AFF3: variants seen among roughly 807,000 people sequenced by gnomAD.
The protein encoded by AFF3 is AF4/FMR2 family member 3.
A neutral mutation model predicts 129.7 loss-of-function variants in AFF3; 32 were observed. The ratio of observed to expected loss-of-function variants is 0.25; its 90% CI spans 0.19 to 0.33. The LOEUF is 0.33. AFF3 is among the 10% of genes least tolerant of loss of function. AFF3 has a pLI of 1.00. For missense variants in AFF3, 1,373 were observed against 1,592.0 expected (o/e 0.86, Z 2.34); for synonymous variants, 644 against 635.4 (o/e 1.01, Z -0.20).
intron 4 of AFF3, among the ~76,000 whole-genome samples, chr2:100,028,969 C>T (rs1206638039): frequency 6.6e-6 from 1 of 152,158 alleles, no homozygotes; most frequent in African/African-American, 2.4e-5. Flanking sequence ...TACACCCCCA[C>T]GTCCACAGCA....
intron 7 of AFF3, among the ~76,000 whole-genome samples, chr2:99,983,033 C>T (rs959880629): frequency 6.6e-6 from 1 of 152,176 alleles, no homozygotes; most frequent in Non-Finnish European, 1.5e-5. Context: ...ATAATCCATA[C>T]ATAGTTTAAT....
In AFF3 at chr2:100,006,891, T is replaced by G. The variant is rs751048982; in HGVS notation, c.614A>C (p.Lys205Thr). 33 of 1,614,096 alleles carry G rather than the reference T, an allele frequency of 2.0e-5. No homozygotes were observed. The highest frequency in any genetic ancestry group is 2.8e-5 in the Non-Finnish European group (33 of 1,180,050). The change falls in exon 7 of 25, where the codon AAG (lysine) becomes ACG (threonine). Residue 205 changes from lysine (K) to threonine (T), a missense_variant. Transcript: ENST00000672756. Reference protein sequence around the residue: ...TQERPPAMAAKHSSSGHCVQN... With the variant: ...TQERPPAMAATHSSSGHCVQN... ...AACACAGTGTCCGCTGCTGCTGTGC[T>G]TGGCCGCCATGGCAGGTGGCCTCTC...
At chr2:100,037,380 G>A (rs13020141) in intron 4 of AFF3, among the ~76,000 whole-genome samples, 20,996 of 140,984 alleles carry the variant, frequency 0.15, 1,914 homozygotes, top group East Asian at 0.29. Context: ...ATACATACAT[G>A]TATGGGGGGT....
chr2:99,623,287 T>C (rs919018891), intron 13 of AFF3, among the ~76,000 whole-genome samples: 41 of 152,228 alleles, frequency 2.7e-4, no homozygotes, highest in African/African-American at 9.4e-4. Flanking sequence ...GAGCCCCTTG[T>C]TCAAAGAGCA....
At chr2:99,839,717 T>C (rs900145377) in intron 7 of AFF3, among the ~76,000 whole-genome samples, 7 of 151,964 alleles carry the variant, frequency 4.6e-5, no homozygotes, top group African/African-American at 1.7e-4. Context: ...GTTCAAGTGA[T>C]TCTCTGGCCT....
At chr2:99,835,097 G>A (rs771435917) in intron 8 of AFF3, among the ~76,000 whole-genome samples, 5 of 152,024 alleles carry the variant, frequency 3.3e-5, no homozygotes, top group Admixed American at 2.0e-4. Context: ...TCCCATGGCC[G>A]TAAGCGCACC....
At chr2:99,780,919 C>A (rs975773503) in intron 8 of AFF3, among the ~76,000 whole-genome samples, 4 of 152,144 alleles carry the variant, frequency 2.6e-5, no homozygotes, top group African/African-American at 4.8e-5. Flanking sequence ...CCCTGACAAG[C>A]CTCTTCTCCC....
intron 7 of AFF3, among the ~76,000 whole-genome samples, chr2:99,996,527 A>ATTTTT (rs756231548): frequency 4.4e-5 from 5 of 114,074 alleles, no homozygotes; most frequent in Admixed American, 8.8e-5. Context: ...CGCCCGGCTA[A>ATTTTT]TTTTTTTTTT....
intron 8 of AFF3, among the ~76,000 whole-genome samples, chr2:99,779,497 ACACAGT>A (rs71701687): frequency 0.13 from 19,627 of 152,018 alleles, 2,687 homozygotes; most frequent in African/African-American, 0.35. Flanking sequence ...GTAAGTGACC[ACACAGT>A]CACAGTTATT....
chr2:99,729,296 G>T (rs1436150323), intron 10 of AFF3, among the ~76,000 whole-genome samples: 3 of 152,224 alleles, frequency 2.0e-5, no homozygotes, highest in Non-Finnish European at 4.4e-5. Flanking sequence ...CAATCATGCT[G>T]CCCAAGTCTT....
At chr2:100,056,231 G>A (rs1387670443) in intron 4 of AFF3, among the ~76,000 whole-genome samples, 2 of 151,970 alleles carry the variant, frequency 1.3e-5, no homozygotes, top group South Asian at 2.1e-4. Flanking sequence ...CTCTCTATCC[G>A]GCATTCCCTT....
chr2:99,875,838 C>G (rs6741766), intron 7 of AFF3, among the ~76,000 whole-genome samples: 5,587 of 152,248 alleles, frequency 0.037, 361 homozygotes, highest in African/African-American at 0.13. Context: ...ACCCTCCAAA[C>G]AGCCCCAGTC....
chr2:99,634,494 G>A (rs548161505), intron 13 of AFF3, among the ~76,000 whole-genome samples: 5 of 152,274 alleles, frequency 3.3e-5, no homozygotes, highest in South Asian at 2.1e-4. Context: ...ACTGAAGGCC[G>A]GTGCCCAGAG....
At chr2:99,894,072 G>A (rs1408213499) in intron 7 of AFF3, among the ~76,000 whole-genome samples, 1 of 152,066 alleles carries the variant, frequency 6.6e-6, no homozygotes, top group Non-Finnish European at 1.5e-5. Context: ...ATGACCTTGA[G>A]TAGTAGGATA....
At chr2:100,015,718 C>G (rs1195555654) in intron 4 of AFF3, among the ~76,000 whole-genome samples, 1 of 152,228 alleles carries the variant, frequency 6.6e-6, no homozygotes, top group Non-Finnish European at 1.5e-5. Flanking sequence ...GGCAGAAAGA[C>G]AGTGAGCATG....
intron 8 of AFF3, among the ~76,000 whole-genome samples, chr2:99,788,709 G>C (rs1442569745): frequency 6.6e-6 from 1 of 152,204 alleles, no homozygotes; most frequent in Admixed American, 6.5e-5. Flanking sequence ...ACAGTGTACA[G>C]TAGTGTACGA....
rs993967300 is a variant in AFF3 at position 99,777,414 on chromosome 2, C to T, written c.922-25113G>A. On this transcript the variant is annotated intron_variant, in intron 8 of 24. Transcript: ENST00000672756. ...GTGGCTGGCGCAACTCTGAAGTGTG[C>T]ATGTTCAGAGTCCTGAGTCCCTAGA... Among the ~76,000 whole-genome samples the T allele has an allele frequency of 3.3e-5, 5 of 152,258 alleles. No individual in the cohort carries two copies. In the East Asian group the frequency reaches 9.7e-4, roughly 29 times the overall value.
chr2:99,849,815 G>A (rs1690015748), intron 7 of AFF3, among the ~76,000 whole-genome samples: 1 of 152,220 alleles, frequency 6.6e-6, no homozygotes, highest in African/African-American at 2.4e-5. Context: ...CCAGTGGGTA[G>A]AAGGAAATGA....
intron 4 of AFF3, among the ~76,000 whole-genome samples, chr2:100,064,674 G>A (rs1687577074): frequency 6.6e-6 from 1 of 151,968 alleles, no homozygotes; most frequent in African/African-American, 2.4e-5. Context: ...GCTTTCCCAG[G>A]GTCAAAAACC....
Sources: allele counts gnomAD v4.1 joint callset (sites outside exome capture counted in the v4.1 genomes callset), GRCh38; gene constraint gnomAD v4.1.1; transcripts MANE v1.5; gene names NCBI Gene and HGNC (gene_info 2026-07-23, HGNC 2026-07-21).